The following FGF13 variants were observed in gnomAD, a reference collection of about 807,000 sequenced individuals.
FGF13 encodes the protein fibroblast growth factor homologous factor 2.
In FGF13, 2 loss-of-function variants were observed where a neutral mutation model predicts 19.5. The ratio of observed to expected loss-of-function variants is 0.10; its 90% CI spans 0.04 to 0.32. The LOEUF is 0.32. Ranked by LOEUF, FGF13 falls within the 10% of genes least tolerant of loss-of-function variation. FGF13 has a pLI of 1.00. For synonymous variants in FGF13, 72 were observed against 76.9 expected (o/e 0.94, Z 0.33); for missense variants, 113 against 192.7 (o/e 0.59, Z 2.45).
intron 1 of FGF13, among the ~76,000 whole-genome samples, chrX:139,065,291 T>A (rs1157092522): frequency 9.1e-6 from 1 of 109,948 alleles, no homozygotes; most frequent in Non-Finnish European, 1.9e-5. Flanking sequence ...CAGGATCAAA[T>A]TCACACATAA....
At chrX:139,081,688 T>C (rs377533814) in intron 1 of FGF13, among the ~76,000 whole-genome samples, 1 of 111,717 alleles carries the variant, frequency 9.0e-6, no homozygotes, top group African/African-American at 3.3e-5. Context: ...CCACTGAGTG[T>C]GCTCAGACCA....
rs768536857 is a variant in FGF13, at chrX:138,616,599, T to C, written c.*16251A>G. ...TCTGGGGTCTGGAGGACTATGGCCC[T>C]CTTCTCAGAGCTCCACTATACAGTG... On this transcript the variant is annotated 3_prime_UTR_variant, in exon 5 of 5. Coordinates refer to ENST00000315930, the MANE Select transcript of FGF13 (RefSeq NM_004114.5). The C allele has an allele frequency of 6.2e-5, 7 of 112,253 alleles. No homozygotes were observed. The highest frequency in any genetic ancestry group is 1.3e-4 in the Non-Finnish European group (7 of 53,240). 9.3% of individuals were successfully genotyped at this position (112,253 alleles called of 1,213,427 possible). A position where few individuals can be genotyped will look rare whatever the true frequency, so the allele number is the denominator to read the frequency against.
chrX:139,040,538 A>C (rs1195843545), intron 1 of FGF13, among the ~76,000 whole-genome samples: 1 of 111,409 alleles, frequency 9.0e-6, no homozygotes, highest in Admixed American at 9.5e-5. Context: ...TATTATTAAA[A>C]AGTCAAAAAA....
intron 1 of FGF13, among the ~76,000 whole-genome samples, chrX:138,717,457 A>G (rs1451602960): frequency 9.0e-6 from 1 of 111,003 alleles, no homozygotes; most frequent in Admixed American, 9.5e-5. Context: ...TAAGACTATC[A>G]TTCTGTCATA....
intron 1 of FGF13, among the ~76,000 whole-genome samples, chrX:139,160,406 C>T (rs111575251): frequency 3.3e-4 from 37 of 111,653 alleles, no homozygotes; most frequent in African/African-American, 1.2e-3. Flanking sequence ...CTAAAATTGA[C>T]ACCCTGAAAT....
At chrX:138,817,523 T>A (rs1019788390) in intron 3 of FGF13, among the ~76,000 whole-genome samples, 11 of 112,122 alleles carry the variant, frequency 9.8e-5, no homozygotes, top group Admixed American at 8.6e-4. Flanking sequence ...TTGCCACTTA[T>A]CTGTAGGGTG....
At chrX:139,190,404 C>T (rs774856043) in intron 1 of FGF13, among the ~76,000 whole-genome samples, 5 of 111,924 alleles carry the variant, frequency 4.5e-5, no homozygotes, top group African/African-American at 6.5e-5. Flanking sequence ...GAAAAATACC[C>T]TAAACATTTA....
intron 1 of FGF13, among the ~76,000 whole-genome samples, chrX:138,878,906 G>T (rs1421318279): frequency 1.8e-5 from 2 of 111,720 alleles, no homozygotes; most frequent in African/African-American, 3.3e-5. Flanking sequence ...GGCCAGTGAT[G>T]ATGAGCATTT....
chrX:139,150,274 G>A (rs2083923744), intron 1 of FGF13, among the ~76,000 whole-genome samples: 1 of 111,891 alleles, frequency 8.9e-6, no homozygotes, highest in African/African-American at 3.2e-5. Context: ...CGTACCTCAA[G>A]AACTGATACT....
chrX:138,727,292 A>ACTGTGCTTCCTGTG (rs2090193006), intron 1 of FGF13, among the ~76,000 whole-genome samples: 3 of 110,530 alleles, frequency 2.7e-5, no homozygotes, highest in African/African-American at 9.9e-5. Flanking sequence ...AATGAGGCAC[A>ACTGTGCTTCCTGTG]GGAAGCAGTA....
rs111316982 is a variant in FGF13, at chrX:138,860,780, T to C, written c.-38-3101A>G. The stretch of plus-strand genomic sequence containing the variant: ...TTTATTTCTGGATCTGGAAGCCCCA[T>C]GCTTTTTGAAAGGCTGCTGAGCCCC... On this transcript the variant is annotated intron_variant, in intron 2 of 2. Coordinates refer to the FGF13 transcript ENST00000421460. Among the ~76,000 whole-genome samples, 944 of 112,483 alleles carry C rather than the reference T, an allele frequency of 8.4e-3. 11 individuals are homozygous for C. Among genetic ancestry groups the C allele is most frequent in the African/African-American group, 0.028 (876 of 30,967 alleles).
chrX:138,972,844 T>C lies in FGF13; in HGVS notation c.-112-108194A>G, dbSNP rs185472386. Reference sequence around the variant, plus strand: ...TCTATTTAGATCTTTTGTCCACTTTTTAAATCAAGTTTTATTTTTGCTATT... The same window carrying C: ...TCTATTTAGATCTTTTGTCCACTTTCTAAATCAAGTTTTATTTTTGCTATT... On this transcript the variant is annotated intron_variant, in intron 1 of 2. Coordinates refer to the FGF13 transcript ENST00000421460. Among the ~76,000 whole-genome samples, 6 of 111,574 alleles carry C rather than the reference T, an allele frequency of 5.4e-5. No individual in the cohort carries two copies. The East Asian group carries it at 1.7e-3, about 31-fold the overall frequency.
intron 1 of FGF13, among the ~76,000 whole-genome samples, chrX:138,979,075 A>C (rs2091952904): frequency 8.9e-6 from 1 of 112,220 alleles, no homozygotes; most frequent in Non-Finnish European, 1.9e-5. Flanking sequence ...AAGTAATGTA[A>C]GAGAACATAC....
intron 3 of FGF13, among the ~76,000 whole-genome samples, chrX:138,818,154 AT>A (rs2090973866): frequency 9.0e-6 from 1 of 111,297 alleles, no homozygotes; most frequent in East Asian, 2.9e-4. Context: ...CAGGGTTAAA[AT>A]TTGTGGTTGT....
intron 3 of FGF13, among the ~76,000 whole-genome samples, chrX:138,838,527 G>A (rs2091128454): frequency 8.9e-6 from 1 of 111,775 alleles, no homozygotes; most frequent in Non-Finnish European, 1.9e-5. Context: ...GCTTCCTTGG[G>A]TGGGGGAGGT....
intron 1 of FGF13, among the ~76,000 whole-genome samples, chrX:138,937,451 A>G (rs2091737177): frequency 8.9e-6 from 1 of 112,034 alleles, no homozygotes; most frequent in Admixed American, 9.5e-5. Context: ...CTAAACCACT[A>G]GCTGCATGTA....
intron 1 of FGF13, among the ~76,000 whole-genome samples, chrX:139,043,702 G>A (rs988926971): frequency 4.5e-5 from 5 of 111,873 alleles, no homozygotes; most frequent in African/African-American, 1.6e-4. Context: ...TAGCCAAAAA[G>A]TGGAAACGGC....
At chrX:138,733,839 T>G (rs1455089472) in intron 1 of FGF13, among the ~76,000 whole-genome samples, 1 of 109,431 alleles carries the variant, frequency 9.1e-6, no homozygotes, top group East Asian at 2.9e-4. Flanking sequence ...TTAACAAGGA[T>G]CAAGCAGATC....
intron 1 of FGF13, among the ~76,000 whole-genome samples, chrX:139,061,864 C>T (rs1401960049): frequency 9.0e-6 from 1 of 111,054 alleles, no homozygotes. Context: ...GTTTGTATGT[C>T]TTCACTTGAG....
Sources: gnomAD v4.1 joint callset for allele counts (sites outside exome capture counted in the v4.1 genomes callset) on GRCh38, gnomAD v4.1.1 for gene constraint, MANE v1.5 for transcripts, NCBI Gene and HGNC (gene_info 2026-07-23, HGNC 2026-07-21) for gene names.